The following CNTNAP2 variants were observed in gnomAD, a reference collection of about 807,000 sequenced individuals.
CNTNAP2 encodes the protein contactin associated protein 2.
In CNTNAP2, 98 loss-of-function variants were observed where a neutral mutation model predicts 155.2. The observed-to-expected ratio is 0.63, with a 90% CI of 0.54 to 0.75. The LOEUF (loss-of-function observed/expected upper bound fraction) is 0.75, where lower values mean the gene tolerates loss of function less well. Ranked by LOEUF, CNTNAP2 falls within the 30% of genes least tolerant of loss-of-function variation. CNTNAP2 has a pLI of 0.00. For missense variants in CNTNAP2, 1,727 were observed against 1,688.1 expected (o/e 1.02, Z -0.40); for synonymous variants, 651 against 631.2 (o/e 1.03, Z -0.47).
At chr7:147,825,478 C>A (rs527795186) in intron 13 of CNTNAP2, among the ~76,000 whole-genome samples, 1 of 152,174 alleles carries the variant, frequency 6.6e-6, no homozygotes, top group African/African-American at 2.4e-5. Flanking sequence ...TAGAGTAATT[C>A]ATTATTATAA....
chr7:147,272,545 C>T (rs913733845), intron 8 of CNTNAP2, among the ~76,000 whole-genome samples: 3 of 152,090 alleles, frequency 2.0e-5, no homozygotes, highest in Non-Finnish European at 4.4e-5. Context: ...GTCGCCCAGG[C>T]TGGAGTGCAG....
At chr7:147,361,295 A>G (rs1203019724) in intron 9 of CNTNAP2, among the ~76,000 whole-genome samples, 1 of 152,192 alleles carries the variant, frequency 6.6e-6, no homozygotes, top group East Asian at 1.9e-4. Flanking sequence ...ATTTTCTGAC[A>G]ACAATGAATT....
At chr7:147,924,327 C>T (rs550098279) in intron 14 of CNTNAP2, among the ~76,000 whole-genome samples, 3 of 151,752 alleles carry the variant, frequency 2.0e-5, no homozygotes, top group African/African-American at 7.3e-5. Flanking sequence ...TTAGTAGAGA[C>T]AGGGTTTCTC....
intron 6 of CNTNAP2, among the ~76,000 whole-genome samples, chr7:147,125,434 G>C (rs1397840545): frequency 6.6e-6 from 1 of 152,190 alleles, no homozygotes; most frequent in African/African-American, 2.4e-5. Flanking sequence ...CTACAGGGTG[G>C]CTTGAGACTG....
intron 15 of CNTNAP2, among the ~76,000 whole-genome samples, chr7:148,073,451 C>T (rs929572897): frequency 2.0e-5 from 3 of 152,222 alleles, no homozygotes; most frequent in African/African-American, 4.8e-5. Context: ...CTTACACCAT[C>T]CCACCAGAGA....
At chr7:146,258,381 T>C (rs1223449327) in intron 1 of CNTNAP2, among the ~76,000 whole-genome samples, 1 of 152,212 alleles carries the variant, frequency 6.6e-6, no homozygotes, top group Non-Finnish European at 1.5e-5. Context: ...ACCATTTTAC[T>C]ATTTTATTAT....
At chr7:147,687,018 A>T (rs1796025666) in intron 13 of CNTNAP2, among the ~76,000 whole-genome samples, 1 of 152,106 alleles carries the variant, frequency 6.6e-6, no homozygotes, top group South Asian at 2.1e-4. Flanking sequence ...AGAATAAATC[A>T]AATGTTACTA....
At chr7:146,478,158 G>A (rs1012701919) in intron 1 of CNTNAP2, among the ~76,000 whole-genome samples, 5 of 151,860 alleles carry the variant, frequency 3.3e-5, no homozygotes, top group South Asian at 2.1e-4. Context: ...TTCATATCTC[G>A]TCAATTAATT....
chr7:146,790,065 G>A (rs1405973137), intron 2 of CNTNAP2, among the ~76,000 whole-genome samples: 1 of 151,878 alleles, frequency 6.6e-6, no homozygotes, highest in Non-Finnish European at 1.5e-5. Context: ...TTGTTTAGTA[G>A]AATGACCATA....
At chr7:147,578,488 G>A (rs545016389) in intron 12 of CNTNAP2, among the ~76,000 whole-genome samples, 5 of 152,090 alleles carry the variant, frequency 3.3e-5, no homozygotes, top group East Asian at 1.9e-4. Context: ...TCCCATTAAC[G>A]GTAGTGTAGT....
chr7:148,409,502 G>A (rs761986467), intron 23 of CNTNAP2, 31 bp downstream of exon 23: 2 of 1,576,046 alleles, frequency 1.3e-6, no homozygotes, highest in Non-Finnish European at 1.7e-6. Context: ...GCTTATATGG[G>A]GCTACTCAAC....
chr7:148,404,098 T>C (rs552957088), intron 22 of CNTNAP2, among the ~76,000 whole-genome samples: 1 of 152,352 alleles, frequency 6.6e-6, no homozygotes, highest in South Asian at 2.1e-4. Flanking sequence ...TCTACCTGCA[T>C]AGAAGGTTTT....
At chr7:147,030,936 A>G (rs1799020406) in intron 3 of CNTNAP2, among the ~76,000 whole-genome samples, 1 of 152,206 alleles carries the variant, frequency 6.6e-6, no homozygotes, top group South Asian at 2.1e-4. Flanking sequence ...ATTTTATTAC[A>G]TTTAATAATA....
At chr7:147,923,220 CAT>C (rs1481882663) in intron 14 of CNTNAP2, among the ~76,000 whole-genome samples, 1 of 152,104 alleles carries the variant, frequency 6.6e-6, no homozygotes, top group African/African-American at 2.4e-5. Context: ...ATGTTTTTGA[CAT>C]AGAGTCTTTA....
At chr7:146,207,588 G>A (rs1256651424) in intron 1 of CNTNAP2, among the ~76,000 whole-genome samples, 1 of 145,744 alleles carries the variant, frequency 6.9e-6, no homozygotes, top group African/African-American at 2.5e-5. Context: ...TTAGACAACA[G>A]AAATTTTTTT....
intron 1 of CNTNAP2, among the ~76,000 whole-genome samples, chr7:146,545,619 G>T (rs753647281): frequency 3.3e-5 from 5 of 151,744 alleles, no homozygotes; most frequent in African/African-American, 7.3e-5. Flanking sequence ...GTGTTAGTTT[G>T]CTGAGAATGA....
chr7:147,394,831 G>GTGTGTGTGTT (rs951529276), intron 9 of CNTNAP2, among the ~76,000 whole-genome samples: 5 of 151,060 alleles, frequency 3.3e-5, no homozygotes, highest in African/African-American at 9.7e-5. Flanking sequence ...GTGTGTGTGT[G>GTGTGTGTGTT]TGTGTGTGTG....
chr7:147,780,747 T>C (rs565056274), intron 13 of CNTNAP2, among the ~76,000 whole-genome samples: 10 of 152,158 alleles, frequency 6.6e-5, no homozygotes, highest in South Asian at 2.1e-4. Context: ...ATAAATAGGG[T>C]TTCTTAGTCT....
chr7:146,685,730 A>G (rs1037368687), intron 1 of CNTNAP2, among the ~76,000 whole-genome samples: 6 of 152,132 alleles, frequency 3.9e-5, no homozygotes, highest in African/African-American at 1.4e-4. Context: ...TGAATTAGAA[A>G]AAAAAAATGC....
Sources: gnomAD v4.1 joint callset for allele counts (sites outside exome capture counted in the v4.1 genomes callset) on GRCh38, gnomAD v4.1.1 for gene constraint, MANE v1.5 for transcripts, NCBI Gene and HGNC (gene_info 2026-07-23, HGNC 2026-07-21) for gene names.